Variants in COBLL1 observed in about 807,000 individuals in gnomAD.
COBLL1 encodes cordon-bleu protein-like 1.
Under a neutral mutation model 94.8 loss-of-function variants are expected in COBLL1, and 50 were observed. The observed-to-expected ratio is 0.53, with a 90% CI of 0.42 to 0.67. The LOEUF is 0.67. Ranked by LOEUF, COBLL1 falls within the 30% of genes least tolerant of loss-of-function variation. The pLI is 0.00. For synonymous variants in COBLL1, 448 were observed against 473.8 expected (o/e 0.95, Z 0.71); for missense variants, 1,362 against 1,348.7 (o/e 1.01, Z -0.15).
intron 7 of COBLL1, among the ~76,000 whole-genome samples, chr2:164,706,075 G>A (rs192008052): frequency 6.6e-6 from 1 of 152,078 alleles, no homozygotes; most frequent in East Asian, 1.9e-4. Flanking sequence ...TTTGCAGTTT[G>A]TGTCTCCAAT....
At chr2:164,812,728 T>C (rs1020470745) in intron 2 of COBLL1, among the ~76,000 whole-genome samples, 2 of 152,064 alleles carry the variant, frequency 1.3e-5, no homozygotes, top group African/African-American at 4.8e-5. Context: ...CTAGCATATA[T>C]TAGAGTACGC....
intron 2 of COBLL1, among the ~76,000 whole-genome samples, chr2:164,835,749 G>A (rs973725159): frequency 1.3e-5 from 2 of 152,128 alleles, no homozygotes; most frequent in Admixed American, 6.6e-5. Flanking sequence ...CATAAGTTAG[G>A]CTGTTGCATT....
rs1207019903 is a variant in COBLL1 at position 164,683,006 on chromosome 2, A to T, written c.*2940T>A. 1 of 33,538 alleles carries T rather than the reference A, an allele frequency of 3.0e-5. No individual in the cohort carries two copies. The highest frequency in any genetic ancestry group is 1.8e-4 in the Admixed American group (1 of 5,462). The allele number at this position is 33,538 out of a possible 1,614,324, so 2.1% of individuals were successfully genotyped here. On this transcript the variant is annotated 3_prime_UTR_variant, in exon 14 of 14. Transcript: ENST00000652658. The stretch of plus-strand genomic sequence containing the variant: ...TCCTTTCATGTTAAGAAACACACAT[A>T]CACACACACACACACACACACACAC...
At chr2:164,763,159 T>C (rs977208889) in intron 2 of COBLL1, among the ~76,000 whole-genome samples, 10 of 152,206 alleles carry the variant, frequency 6.6e-5, no homozygotes, top group African/African-American at 2.4e-4. Context: ...TCGCCATTTA[T>C]AGGAAAAGCT....
intron 4 of COBLL1, among the ~76,000 whole-genome samples, chr2:164,729,343 T>C (rs1360275530): frequency 6.6e-6 from 1 of 151,804 alleles, no homozygotes; most frequent in Non-Finnish European, 1.5e-5. Context: ...TCTACCCTAT[T>C]GCTTATAGCA....
chr2:164,668,679 C>T (rs1691202938), intron 1 of COBLL1, among the ~76,000 whole-genome samples: 1 of 152,140 alleles, frequency 6.6e-6, no homozygotes, highest in Non-Finnish European at 1.5e-5. Flanking sequence ...TGAGGTATGC[C>T]TGTATATTTA....
intron 1 of COBLL1, among the ~76,000 whole-genome samples, chr2:164,673,798 A>G (rs1037565355): frequency 4.6e-5 from 7 of 152,236 alleles, no homozygotes; most frequent in Non-Finnish European, 1.0e-4. Context: ...TGTATTGTTT[A>G]TGGCAGAATA....
intron 2 of COBLL1, among the ~76,000 whole-genome samples, chr2:164,819,066 T>A (rs1685031241): frequency 6.6e-6 from 1 of 152,046 alleles, no homozygotes; most frequent in South Asian, 2.1e-4. Flanking sequence ...CAACCGTGCC[T>A]GGCCTGTTTC....
At chr2:164,781,322 C>G (rs1354328675) in intron 2 of COBLL1, among the ~76,000 whole-genome samples, 1 of 152,082 alleles carries the variant, frequency 6.6e-6, no homozygotes, top group Non-Finnish European at 1.5e-5. Context: ...TATGTGAATA[C>G]TTGTGGAGAG....
chr2:164,705,702 T>C (rs917751882), intron 7 of COBLL1, among the ~76,000 whole-genome samples: 2 of 152,088 alleles, frequency 1.3e-5, no homozygotes, highest in Non-Finnish European at 2.9e-5. Flanking sequence ...CAAGAATGAA[T>C]GAATGAATGA....
At chr2:164,745,653 G>A (rs772949236) in intron 2 of COBLL1, among the ~76,000 whole-genome samples, 1 of 152,028 alleles carries the variant, frequency 6.6e-6, no homozygotes, top group African/African-American at 2.4e-5. Context: ...GTGCAGCTGC[G>A]GGTCACAGGA....
At position 164,692,347 on chromosome 2, in the gene COBLL1, A is replaced by C. The variant is rs778750128; in HGVS notation, c.3174T>G (p.Thr1058=). 6.2e-7 allele frequency: 1 copy of C among 1,613,328 alleles called. No individual in the cohort carries two copies. Among genetic ancestry groups the C allele is most frequent in the South Asian group, 1.1e-5 (1 of 90,994 alleles). ...TCATAACAGTGAATGATGGGCCATCAGTTGGAGTTGGTATTTGGGAATTCT... is the reference window on the plus strand; with the variant it reads ...TCATAACAGTGAATGATGGGCCATCCGTTGGAGTTGGTATTTGGGAATTCT... ...NEQNSQIPTP[T]DGPSFTVMRQ... Residue 1058 remains threonine, a synonymous_variant, in exon 13 of 14, where the codon ACT becomes ACG. Coordinates refer to ENST00000652658, the MANE Select transcript of COBLL1 (RefSeq NM_001365672.2).
chr2:164,672,942 C>G (rs921625608), intron 1 of COBLL1, among the ~76,000 whole-genome samples: 5 of 152,120 alleles, frequency 3.3e-5, no homozygotes, highest in African/African-American at 1.2e-4. Context: ...CTGGTCCAGA[C>G]TGCACCCTCC....
chr2:164,733,982 A>G (rs1023339714), intron 3 of COBLL1, among the ~76,000 whole-genome samples: 1 of 152,166 alleles, frequency 6.6e-6, no homozygotes. Context: ...TGATACATAG[A>G]CCAGCAGCAT....
intron 3 of COBLL1, among the ~76,000 whole-genome samples, chr2:164,736,492 A>G (rs543025730): frequency 6.6e-6 from 1 of 152,296 alleles, no homozygotes; most frequent in East Asian, 1.9e-4. Flanking sequence ...CATACTAAAA[A>G]TAGATATTAC....
chr2:164,771,345 C>T (rs1159088646), intron 2 of COBLL1, among the ~76,000 whole-genome samples: 1 of 151,742 alleles, frequency 6.6e-6, no homozygotes, highest in African/African-American at 2.4e-5. Flanking sequence ...ATATTCCATC[C>T]AAATATGTTG....
chr2:164,747,931 A>C (rs531544367), intron 2 of COBLL1, among the ~76,000 whole-genome samples: 1 of 152,194 alleles, frequency 6.6e-6, no homozygotes, highest in African/African-American at 2.4e-5. Flanking sequence ...GAGAAGATGC[A>C]ATGCATAATT....
chr2:164,718,325 G>A (rs931474055), intron 7 of COBLL1: 1 of 795,598 alleles, frequency 1.3e-6, no homozygotes, highest in African/African-American at 1.9e-5. Context: ...TTTATCTTTA[G>A]AGGATGAGGT....
chr2:164,724,473 CT>C (rs1685616971), intron 5 of COBLL1: 1 of 152,108 alleles, frequency 6.6e-6, no homozygotes, highest in African/African-American at 2.4e-5. Context: ...CAGTAAAAAT[CT>C]GAACACGGGA....
Sources: allele counts gnomAD v4.1 joint callset (sites outside exome capture counted in the v4.1 genomes callset), GRCh38; gene constraint gnomAD v4.1.1; transcripts MANE v1.5; gene names NCBI Gene and HGNC (gene_info 2026-07-23, HGNC 2026-07-21).